Variants in CAST observed in about 807,000 individuals in gnomAD.
CAST encodes MIR583 host.
Under a neutral mutation model 119.6 loss-of-function variants are expected in CAST, and 76 were observed. The observed-to-expected ratio is 0.64, with a 90% confidence interval of 0.53 to 0.77. The LOEUF is 0.77. Ranked by LOEUF, CAST falls within the 30% of genes least tolerant of loss-of-function variation. The probability of loss-of-function intolerance (pLI) is 0.00; values close to 1 mark genes in which losing one functional copy is unlikely to be tolerated. For missense variants in CAST, 953 were observed against 946.5 expected (o/e 1.01, Z -0.09); for synonymous variants, 319 against 331.6 (o/e 0.96, Z 0.41).
At chr5:96,591,465 A>G (rs377627296) in intron 1 of CAST, among the ~76,000 whole-genome samples, 1 of 152,204 alleles carries the variant, frequency 6.6e-6, no homozygotes, top group African/African-American at 2.4e-5. Flanking sequence ...AAAATTCAAC[A>G]TTACAGATGT....
the CAST span, among the ~76,000 whole-genome samples, chr5:96,170,381 G>A: frequency 1.3e-5 from 2 of 152,224 alleles, no homozygotes; most frequent in Admixed American, 6.5e-5. Flanking sequence ...CCTGGCAGCT[G>A]TGGTTCAGGC....
intron 1 of CAST, among the ~76,000 whole-genome samples, chr5:96,609,442 T>A (rs1747319986): frequency 1.3e-5 from 2 of 152,188 alleles, no homozygotes; most frequent in South Asian, 2.1e-4. Context: ...TGTACACAAA[T>A]CACTAATAAT....
intron 3 of CAST, among the ~76,000 whole-genome samples, chr5:96,707,106 A>G (rs559067969): frequency 3.9e-4 from 59 of 152,258 alleles, no homozygotes; most frequent in Non-Finnish European, 6.5e-4. Context: ...CATTTTCTCA[A>G]TCTAGTTTCT....
chr5:95,974,566 G>C, the CAST span, among the ~76,000 whole-genome samples: 1 of 152,156 alleles, frequency 6.6e-6, no homozygotes, highest in Non-Finnish European at 1.5e-5. Context: ...TCTGCAAAAG[G>C]CAAAACATTT....
At chr5:96,008,885 G>A in the CAST span, among the ~76,000 whole-genome samples, 1 of 152,178 alleles carries the variant, frequency 6.6e-6, no homozygotes, top group Non-Finnish European at 1.5e-5. Context: ...TGGGTATATT[G>A]TATGATGCTG....
intron 3 of CAST, among the ~76,000 whole-genome samples, chr5:96,709,894 A>C (rs1755752451): frequency 6.6e-6 from 1 of 152,226 alleles, no homozygotes; most frequent in Non-Finnish European, 1.5e-5. Context: ...CCCCAATATT[A>C]GTTCCAGAAT....
chr5:96,155,568 G>A, the CAST span, among the ~76,000 whole-genome samples: 11 of 152,138 alleles, frequency 7.2e-5, no homozygotes, highest in Non-Finnish European at 5.9e-5. Context: ...GATATGTTCC[G>A]ATGGAAATCT....
chr5:96,354,727 G>A, the CAST span, among the ~76,000 whole-genome samples: 1 of 148,462 alleles, frequency 6.7e-6, no homozygotes, highest in Non-Finnish European at 1.5e-5. Flanking sequence ...TAATATATAA[G>A]ATGTTATGCA....
At chr5:95,975,616 G>A in the CAST span, among the ~76,000 whole-genome samples, 1 of 152,176 alleles carries the variant, frequency 6.6e-6, no homozygotes, top group Admixed American at 6.5e-5. Flanking sequence ...CAGAGAGGTT[G>A]GCAATAACTA....
At chr5:96,208,404 G>T in the CAST span, among the ~76,000 whole-genome samples, 1 of 151,676 alleles carries the variant, frequency 6.6e-6, no homozygotes, top group Non-Finnish European at 1.5e-5. Flanking sequence ...GTGCCTCAAG[G>T]TGTGATGTTA....
chr5:96,047,241 A>C, the CAST span, among the ~76,000 whole-genome samples: 1 of 152,188 alleles, frequency 6.6e-6, no homozygotes, highest in Admixed American at 6.5e-5. Context: ...TTCATATTTA[A>C]AAATTAAATA....
At chr5:96,737,070 T>C (rs1465777650) in intron 10 of CAST, among the ~76,000 whole-genome samples, 1 of 152,128 alleles carries the variant, frequency 6.6e-6, no homozygotes, top group Non-Finnish European at 1.5e-5. Flanking sequence ...CTCACTATCA[T>C]GAGAACAGCA....
the CAST span, among the ~76,000 whole-genome samples, chr5:96,200,344 A>G: frequency 1.3e-5 from 2 of 152,168 alleles, no homozygotes; most frequent in Non-Finnish European, 2.9e-5. Context: ...TTCATTTAAG[A>G]TGATGATTGC....
the CAST span, among the ~76,000 whole-genome samples, chr5:96,124,238 C>A: frequency 3.9e-5 from 6 of 152,070 alleles, no homozygotes; most frequent in African/African-American, 1.2e-4. Flanking sequence ...TGGAGCACAG[C>A]GGCTATCTGT....
intron 1 of CAST, among the ~76,000 whole-genome samples, chr5:96,618,728 C>T (rs1021232550): frequency 5.3e-5 from 8 of 152,182 alleles, no homozygotes; most frequent in African/African-American, 1.4e-4. Context: ...GCATTCTTGC[C>T]GGGCCTCAGC....
chr5:96,291,843 CGTGTGTGTGT>C, the CAST span, among the ~76,000 whole-genome samples: 1,092 of 133,054 alleles, frequency 8.2e-3, 11 homozygotes, highest in South Asian at 0.04. Flanking sequence ...TCCCAGTCTG[CGTGTGTGTGT>C]GTGTGTGTGT....
chr5:96,620,263 GATGCAGGTGA>G (rs1265938798), intron 1 of CAST, among the ~76,000 whole-genome samples: 1 of 151,148 alleles, frequency 6.6e-6, no homozygotes, highest in African/African-American at 2.4e-5. Context: ...ATAAAAAGGT[GATGCAGGTGA>G]AGCCAGTTCT....
chr5:96,217,233 G>A, the CAST span, among the ~76,000 whole-genome samples: 2 of 64,700 alleles, frequency 3.1e-5, no homozygotes, highest in African/African-American at 6.2e-5. Context: ...TAGAGATGAG[G>A]TCTTGCTTTG....
chr5:96,284,145 A>G, the CAST span, among the ~76,000 whole-genome samples: 21 of 152,322 alleles, frequency 1.4e-4, no homozygotes, highest in African/African-American at 5.1e-4. Context: ...GGAAAGAAGG[A>G]GCAGTGTGTG....
Sources: gnomAD v4.1 joint callset for allele counts (sites outside exome capture counted in the v4.1 genomes callset) on GRCh38, gnomAD v4.1.1 for gene constraint, MANE v1.5 for transcripts, NCBI Gene and HGNC (gene_info 2026-07-23, HGNC 2026-07-21) for gene names.